Variants in YIPF5 observed in about 807,000 individuals in gnomAD.
The protein encoded by YIPF5 is protein YIPF5.
Under a neutral mutation model 30.4 loss-of-function variants are expected in YIPF5, and 8 were observed. That is an observed-to-expected ratio of 0.26 (90% confidence interval 0.15 to 0.47). YIPF5 has a LOEUF of 0.47. Ranked by LOEUF, YIPF5 falls within the 20% of genes least tolerant of loss-of-function variation. The pLI, the probability that YIPF5 is intolerant of heterozygous loss-of-function variation, is 0.99. For synonymous variants in YIPF5, 104 were observed against 107.9 expected (o/e 0.96, Z 0.23); for missense variants, 282 against 301.8 (o/e 0.93, Z 0.49).
Position 144,159,948 on chromosome 5 carries a change from T to C in YIPF5, c.*449A>G. ...TGGTCTCGATCTCCTGCCCTTGTGATCCGCCCGCCTCGGCCTCCCAAAGTG... is the reference window on the plus strand; with the variant it reads ...TGGTCTCGATCTCCTGCCCTTGTGACCCGCCCGCCTCGGCCTCCCAAAGTG... On this transcript the variant is annotated 3_prime_UTR_variant, in exon 6 of 6. Coordinates refer to ENST00000274496, the MANE Select transcript of YIPF5 (RefSeq NM_030799.9). 2 of 924,128 alleles carry C rather than the reference T, an allele frequency of 2.2e-6. No individual in the cohort carries two copies. The highest frequency in any genetic ancestry group is 2.6e-6 in the Non-Finnish European group (2 of 774,052). The allele number at this position is 924,128 out of a possible 1,614,324, so 57.2% of individuals were successfully genotyped here.
Position 144,158,372 on chromosome 5 carries a change from A to G in YIPF5, c.*2025T>C. The G allele has an allele frequency of 1.7e-6, 2 of 1,152,644 alleles. No homozygotes were observed. The highest frequency in any genetic ancestry group is 2.3e-6 in the Non-Finnish European group (2 of 880,620). 71.4% of individuals were successfully genotyped at this position (1,152,644 alleles called of 1,614,324 possible). ...ATTATTTTGGAGCAAAATAAAAAAT[A>G]ACCACCACAAAAAAAATCTCTACAA... is the stretch of plus-strand genomic sequence containing the variant. On this transcript the variant is annotated 3_prime_UTR_variant, in exon 6 of 6. Coordinates refer to ENST00000274496, the MANE Select transcript of YIPF5 (RefSeq NM_030799.9).
At chr5:144,162,142 T>C in intron 5 of YIPF5, 76 bp downstream of exon 5, 2 of 1,475,702 alleles carry the variant, frequency 1.4e-6, no homozygotes, top group African/African-American at 1.4e-5. Context: ...CGGTGATTTA[T>C]CTCAAACTGA....
At position 144,158,543 on chromosome 5, in the gene YIPF5, G is replaced by A. The variant is rs897705964; in HGVS notation, c.*1854C>T. 4.9e-5 allele frequency: 58 copies of A among 1,189,410 alleles called. No individual in the cohort carries two copies. The highest frequency in any genetic ancestry group is 8.9e-5 in the Admixed American group (2 of 22,578). The allele number at this position is 1,189,410 out of a possible 1,614,324, so 73.7% of individuals were successfully genotyped here. On this transcript the variant is annotated 3_prime_UTR_variant, in exon 6 of 6. Coordinates refer to ENST00000274496, the MANE Select transcript of YIPF5 (RefSeq NM_030799.9). ...TTTAATTTCCAAAGCATCTTCTACCGTTTATTAGCAATATTTGGATATTAA... is the reference window on the plus strand; with the variant it reads ...TTTAATTTCCAAAGCATCTTCTACCATTTATTAGCAATATTTGGATATTAA...
rs1378465850 is a variant in YIPF5, at chr5:144,159,760, G to C, written c.*637C>G. 3 of 843,104 alleles carry C rather than the reference G, an allele frequency of 3.6e-6. No homozygotes were observed. Among genetic ancestry groups the C allele is most frequent in the African/African-American group, 3.8e-5 (2 of 52,680 alleles). The allele number at this position is 843,104 out of a possible 1,614,324, so 52.2% of individuals were successfully genotyped here. ...CACCCTGTCACCCAGGCTGGATGGA[G>C]TGCAGTGGTGTGATCTCGGCTCACT... On this transcript the variant is annotated 3_prime_UTR_variant, in exon 6 of 6. Transcript: ENST00000274496.
chr5:144,169,976 A>G lies in YIPF5; in HGVS notation c.-10-11T>C. On this transcript the variant is annotated splice_polypyrimidine_tract_variant and intron_variant, in intron 1 of 5. Transcript: ENST00000274496. ...GACATTGCAAATAATCTGTAATAAA[A>G]GAGAAATGGCAAATATTCCTTATGC... 1 of 1,605,310 alleles carries G rather than the reference A, an allele frequency of 6.2e-7. No individual in the cohort carries two copies. Among genetic ancestry groups the G allele is most frequent in the Non-Finnish European group, 8.5e-7 (1 of 1,172,008 alleles).
At chr5:144,166,989 C>T (rs942907124) in intron 2 of YIPF5, among the ~76,000 whole-genome samples, 2 of 152,168 alleles carry the variant, frequency 1.3e-5, no homozygotes, top group Non-Finnish European at 2.9e-5. Context: ...TGCAACAGCA[C>T]TGCAAATGTT....
chr5:144,169,781 A>C, intron 2 of YIPF5, 65 bp downstream of exon 2: 1 of 1,362,260 alleles, frequency 7.3e-7, no homozygotes, highest in Non-Finnish European at 1.0e-6. Context: ...GGCAGAACCA[A>C]ATATTCTAAA....
chr5:144,159,137 C>G lies in YIPF5; in HGVS notation c.*1260G>C. 1.0e-6 allele frequency: 1 copy of G among 984,318 alleles called. No individual in the cohort carries two copies. Among genetic ancestry groups the G allele is most frequent in the Non-Finnish European group, 1.2e-6 (1 of 829,032 alleles). The allele number at this position is 984,318 out of a possible 1,614,324, so 61.0% of individuals were successfully genotyped here. On this transcript the variant is annotated 3_prime_UTR_variant, in exon 6 of 6. Transcript: ENST00000274496. ...ATGTAACTCAAACTGCTCATTTAAT[C>G]CCCTTTTTGTCTGATTCTATATTAG... is the stretch of plus-strand genomic sequence containing the variant.
intron 4 of YIPF5, chr5:144,163,893 AATCATTTCTTAG>A: frequency 4.8e-6 from 2 of 420,858 alleles, no homozygotes; most frequent in Admixed American, 9.1e-5. Context: ...CTAATAATTT[AATCATTTCTTAG>A]AAAAAGAAAT....
intron 4 of YIPF5, among the ~76,000 whole-genome samples, chr5:144,162,666 C>T (rs1752082035): frequency 6.6e-6 from 1 of 152,106 alleles, no homozygotes; most frequent in South Asian, 2.1e-4. Flanking sequence ...AAAAGCATAG[C>T]AGAATCACCC....
At chr5:144,167,681 G>C (rs1046464246) in intron 2 of YIPF5, among the ~76,000 whole-genome samples, 1 of 152,092 alleles carries the variant, frequency 6.6e-6, no homozygotes, top group Non-Finnish European at 1.5e-5. Flanking sequence ...ATGGATCTAT[G>C]AATGATACTT....
At chr5:144,166,194 A>T (rs1211741464) in intron 2 of YIPF5, among the ~76,000 whole-genome samples, 1 of 152,238 alleles carries the variant, frequency 6.6e-6, no homozygotes, top group African/African-American at 2.4e-5. Context: ...GAATGTAACA[A>T]AAGATTTTTA....
At position 144,164,269 on chromosome 5, in the gene YIPF5, A is replaced by G. The variant is rs1216786206; in HGVS notation, c.284-13T>C. ...TTGATACCTAACTCTAAAGAGAAAG[A>G]AAATTTAAAAGTTAATTAGGATTTG... is the stretch of plus-strand genomic sequence containing the variant. On this transcript the variant is annotated splice_polypyrimidine_tract_variant and intron_variant, in intron 3 of 5. Coordinates refer to ENST00000274496, the MANE Select transcript of YIPF5 (RefSeq NM_030799.9). 6.3e-7 allele frequency: 1 copy of G among 1,594,100 alleles called. No individual in the cohort carries two copies.
chr5:144,165,298 G>C (rs1053839253), intron 3 of YIPF5, 134 bp downstream of exon 3: 22 of 1,177,996 alleles, frequency 1.9e-5, no homozygotes, highest in Non-Finnish European at 2.6e-5. Context: ...TGTTTAAAAT[G>C]AGTTGTTTAG....
chr5:144,162,073 C>T, intron 5 of YIPF5, 145 bp downstream of exon 5: 1 of 807,274 alleles, frequency 1.2e-6, no homozygotes, highest in Non-Finnish European at 2.0e-6. Flanking sequence ...TGTTCTTCAT[C>T]CGAAACCATT....
intron 1 of YIPF5, 116 bp downstream of exon 1, chr5:144,170,419 T>A (rs1480817215): frequency 1.7e-5 from 3 of 178,722 alleles, no homozygotes; most frequent in African/African-American, 7.2e-5. Flanking sequence ...AGGGCTTGAA[T>A]GAGAGCGAGG....
intron 4 of YIPF5, among the ~76,000 whole-genome samples, 173 bp from the exon 5 acceptor site, chr5:144,162,572 G>A (rs1031496303): frequency 6.6e-6 from 1 of 152,132 alleles, no homozygotes. Context: ...TACATTCTTT[G>A]TAACTTTAAA....
intron 5 of YIPF5, 135 bp downstream of exon 5, chr5:144,162,083 T>C (rs545963753): frequency 4.7e-5 from 42 of 889,324 alleles, no homozygotes; most frequent in South Asian, 4.1e-4. Flanking sequence ...CCGAAACCAT[T>C]TGGCACTGTC....
Position 144,162,408 on chromosome 5 carries a change from AAAG to A in YIPF5, c.430-12_430-10del. ...AACTGGATTTTGCCAGCCTATGGGTAAAGAAGATTACAGGTTAAAGGGCAAAAA... is the reference window on the plus strand; with the variant it reads ...AACTGGATTTTGCCAGCCTATGGGTAAAGATTACAGGTTAAAGGGCAAAAA... On this transcript the variant is annotated splice_polypyrimidine_tract_variant and intron_variant, in intron 4 of 5. Coordinates refer to ENST00000274496, the MANE Select transcript of YIPF5 (RefSeq NM_030799.9). The A allele has an allele frequency of 1.9e-6, 3 of 1,607,374 alleles. No homozygotes were observed. The highest frequency in any genetic ancestry group is 1.3e-5 in the African/African-American group (1 of 74,800).
Sources: gnomAD v4.1 joint callset for allele counts (sites outside exome capture counted in the v4.1 genomes callset) on GRCh38, gnomAD v4.1.1 for gene constraint, MANE v1.5 for transcripts, NCBI Gene and HGNC (gene_info 2026-07-23, HGNC 2026-07-21) for gene names.